The following CDC42SE2 variants were observed in gnomAD, a reference collection of about 807,000 sequenced individuals.
CDC42SE2 encodes CDC42 small effector 2, also known as CDC42 small effector protein 2.
In CDC42SE2, 3 loss-of-function variants were observed where a neutral mutation model predicts 11.5. The observed-to-expected ratio is 0.26, with a 90% confidence interval of 0.12 to 0.67. CDC42SE2 has a LOEUF of 0.67. Among genes scored for constraint, CDC42SE2 ranks in the 30% least tolerant of loss-of-function variants. CDC42SE2 has a pLI of 0.80. For missense variants in CDC42SE2, 82 were observed against 106.8 expected, an observed-to-expected ratio of 0.77 and a Z score of 1.02; for synonymous variants, 33 against 34.8, an observed-to-expected ratio of 0.95 and a Z score of 0.18.
At chr5:131,227,769 G>A in the CDC42SE2 span, among the ~76,000 whole-genome samples, 1 of 152,208 alleles carries the variant, frequency 6.6e-6, no homozygotes, top group Non-Finnish European at 1.5e-5. Context: ...ATTTGGCCAG[G>A]TGCAGTGGCT....
chr5:131,221,222 C>T, the CDC42SE2 span, among the ~76,000 whole-genome samples: 125 of 152,252 alleles, frequency 8.2e-4, no homozygotes, highest in African/African-American at 2.9e-3. Context: ...CCCACGGCCA[C>T]ATGCAGCACA....
chr5:131,289,672 C>CA (rs777148248), intron 1 of CDC42SE2, among the ~76,000 whole-genome samples: 1,159 of 105,450 alleles, frequency 0.011, 7 homozygotes, highest in South Asian at 0.028. Context: ...GACTCTGTCT[C>CA]AAAAAAAAAA....
intron 1 of CDC42SE2, among the ~76,000 whole-genome samples, chr5:131,278,509 T>TCA: frequency 1.3e-5 from 2 of 150,458 alleles, no homozygotes; most frequent in South Asian, 4.2e-4. Context: ...CAGCTCCATG[T>TCA]GTGACATCAT....
intron 3 of CDC42SE2, among the ~76,000 whole-genome samples, chr5:131,370,947 A>G (rs1442160608): frequency 2.0e-5 from 3 of 152,208 alleles, no homozygotes; most frequent in African/African-American, 7.2e-5. Context: ...ATAGGAAAGA[A>G]AGGAATACTG....
intron 2 of CDC42SE2, among the ~76,000 whole-genome samples, chr5:131,331,493 G>A (rs1758418721): frequency 6.6e-6 from 1 of 152,036 alleles, no homozygotes; most frequent in African/African-American, 2.4e-5. Flanking sequence ...TCCAAAGTAA[G>A]GATAATACCG....
intron 2 of CDC42SE2, among the ~76,000 whole-genome samples, chr5:131,322,747 GC>G (rs1758218249): frequency 6.6e-6 from 1 of 152,178 alleles, no homozygotes; most frequent in Non-Finnish European, 1.5e-5. Flanking sequence ...CTACCTCTTG[GC>G]TAGTATGAAT....
At chr5:131,362,470 C>T (rs1162443749) in intron 3 of CDC42SE2, among the ~76,000 whole-genome samples, 1 of 152,112 alleles carries the variant, frequency 6.6e-6, no homozygotes, top group Non-Finnish European at 1.5e-5. Flanking sequence ...TAAACAATAT[C>T]AAGACTGCCT....
chr5:131,305,124 C>T (rs1757755195), intron 1 of CDC42SE2, among the ~76,000 whole-genome samples: 2 of 151,964 alleles, frequency 1.3e-5, no homozygotes, highest in Non-Finnish European at 2.9e-5. Flanking sequence ...ACAGTATATA[C>T]TCTTTGTGTG....
At chr5:131,346,775 T>G (rs377258214) in intron 2 of CDC42SE2, among the ~76,000 whole-genome samples, 14 of 152,080 alleles carry the variant, frequency 9.2e-5, no homozygotes, top group African/African-American at 1.9e-4. Flanking sequence ...TCAGCAAATG[T>G]AAAAGAACAG....
At chr5:131,281,280 G>C (rs1026249068) in intron 1 of CDC42SE2, among the ~76,000 whole-genome samples, 8 of 152,220 alleles carry the variant, frequency 5.3e-5, no homozygotes, top group African/African-American at 1.7e-4. Flanking sequence ...GCTACTTCCT[G>C]AATGGTGTAT....
intron 3 of CDC42SE2, among the ~76,000 whole-genome samples, chr5:131,375,879 T>G (rs1750136306): frequency 6.6e-6 from 1 of 152,230 alleles, no homozygotes; most frequent in South Asian, 2.1e-4. Flanking sequence ...CAACTCAGAT[T>G]ACCACCCATG....
chr5:131,279,101 T>A (rs1464573411), intron 1 of CDC42SE2, among the ~76,000 whole-genome samples: 1 of 152,048 alleles, frequency 6.6e-6, no homozygotes, highest in East Asian at 1.9e-4. Flanking sequence ...GGCAATTTCT[T>A]ATGGTTTAGT....
chr5:131,280,931 T>G (rs1346456310), intron 1 of CDC42SE2, among the ~76,000 whole-genome samples: 1 of 152,174 alleles, frequency 6.6e-6, no homozygotes, highest in East Asian at 1.9e-4. Context: ...AATTCTTATG[T>G]TAATGTTTCC....
At chr5:131,225,113 C>G in the CDC42SE2 span, among the ~76,000 whole-genome samples, 3 of 152,110 alleles carry the variant, frequency 2.0e-5, no homozygotes, top group East Asian at 5.8e-4. Flanking sequence ...TGGTTGAAAT[C>G]GAAGTGGTGG....
intron 2 of CDC42SE2, among the ~76,000 whole-genome samples, chr5:131,342,658 G>A (rs1758739603): frequency 6.6e-6 from 1 of 151,170 alleles, no homozygotes; most frequent in African/African-American, 2.4e-5. Flanking sequence ...AAAGTGCTGG[G>A]ATTGCAGGTG....
intron 2 of CDC42SE2, among the ~76,000 whole-genome samples, chr5:131,343,713 CAAAA>C (rs530307746): frequency 5.9e-5 from 6 of 101,048 alleles, no homozygotes; most frequent in South Asian, 3.2e-4. Flanking sequence ...AACTCTGTCT[CAAAA>C]AAAAAAAAAA....
chr5:131,388,005 C>CT lies in CDC42SE2; in HGVS notation c.156+2371dup, dbSNP rs199641703. On this transcript the variant is annotated intron_variant, in intron 4 of 4. Transcript: ENST00000505065. ...AGGAATGGTGTTGTTCAATTAGTAA[C>CT]TTTTTTTTTTGAGACAGAGTCTCGC... Among the ~76,000 whole-genome samples, 111 of 150,066 alleles carry CT rather than the reference C, an allele frequency of 7.4e-4. 1 individual carries two copies. The East Asian group carries it at 0.015, about 20-fold the overall frequency.
intron 1 of CDC42SE2, among the ~76,000 whole-genome samples, chr5:131,313,488 TA>T (rs1365233671): frequency 1.3e-5 from 2 of 152,236 alleles, no homozygotes; most frequent in African/African-American, 4.8e-5. Context: ...TTTATGGTTT[TA>T]CCTTTAGGTC....
intron 3 of CDC42SE2, among the ~76,000 whole-genome samples, chr5:131,361,676 TGG>T (rs1444288471): frequency 2.0e-5 from 3 of 152,190 alleles, no homozygotes; most frequent in Non-Finnish European, 4.4e-5. Flanking sequence ...GGATCACACG[TGG>T]GCTTGGAGAA....
Sources: gnomAD v4.1 joint callset for allele counts (sites outside exome capture counted in the v4.1 genomes callset) on GRCh38, gnomAD v4.1.1 for gene constraint, MANE v1.5 for transcripts, NCBI Gene and HGNC (gene_info 2026-07-23, HGNC 2026-07-21) for gene names.